Variants in INVS observed in about 807,000 individuals in gnomAD.
INVS encodes the protein inversin, also known as inversion of embryo turning homolog.
A neutral mutation model predicts 108.8 loss-of-function variants in INVS; 86 were observed. The observed-to-expected ratio is 0.79, with a 90% CI of 0.66 to 0.95. The LOEUF (loss-of-function observed/expected upper bound fraction) is 0.95. INVS is among the 40% of genes least tolerant of loss of function. The pLI is 0.00. For synonymous variants in INVS, 455 were observed against 473.5 expected, an observed-to-expected ratio of 0.96 and a Z score of 0.51; for missense variants, 1,169 against 1,297.4, an observed-to-expected ratio of 0.90 and a Z score of 1.52.
chr9:100,226,320 T>A, intron 4 of INVS, 85 bp downstream of exon 4: 1 of 1,104,096 alleles, frequency 9.1e-7, no homozygotes, highest in Non-Finnish European at 1.4e-6. Flanking sequence ...GAAGAAGGCC[T>A]GAATTACCAC....
chr9:100,203,585 C>T (rs1401997934), intron 3 of INVS, among the ~76,000 whole-genome samples: 2 of 141,526 alleles, frequency 1.4e-5, no homozygotes, highest in African/African-American at 5.4e-5. Flanking sequence ...TCACTGTAAA[C>T]TCTGCCTCCC....
chr9:100,177,055 G>A (rs867001679), intron 3 of INVS, among the ~76,000 whole-genome samples: 5 of 151,358 alleles, frequency 3.3e-5, no homozygotes, highest in Non-Finnish European at 5.9e-5. Flanking sequence ...AAGGGAAACC[G>A]TGAGGCACTG....
intron 5 of INVS, among the ~76,000 whole-genome samples, chr9:100,239,462 T>C (rs1831794988): frequency 6.6e-6 from 1 of 152,146 alleles, no homozygotes; most frequent in African/African-American, 2.4e-5. Context: ...ACATACATCT[T>C]TAGTTGAATG....
intron 3 of INVS, among the ~76,000 whole-genome samples, chr9:100,198,483 G>A (rs956915362): frequency 1.5e-4 from 22 of 150,958 alleles, no homozygotes; most frequent in Non-Finnish European, 2.9e-4. Flanking sequence ...TAGAGACGGG[G>A]TTTCTCCATG....
At chr9:100,115,153 T>C (rs1041822690) in intron 2 of INVS, among the ~76,000 whole-genome samples, 5 of 152,178 alleles carry the variant, frequency 3.3e-5, no homozygotes, top group African/African-American at 9.6e-5. Context: ...TTCTAATAGA[T>C]GTGCAGTGGT....
intron 3 of INVS, among the ~76,000 whole-genome samples, chr9:100,133,312 C>T (rs576346349): frequency 1.6e-4 from 24 of 151,934 alleles, no homozygotes; most frequent in Non-Finnish European, 2.6e-4. Flanking sequence ...TTTCAATTCC[C>T]ATGCATATGT....
At chr9:100,149,093 G>T (rs570180721) in intron 3 of INVS, among the ~76,000 whole-genome samples, 1 of 149,556 alleles carries the variant, frequency 6.7e-6, no homozygotes, top group South Asian at 2.1e-4. Flanking sequence ...CATACCTTTT[G>T]CTTTAGTTAG....
At position 100,266,040 on chromosome 9, in the gene INVS, A is replaced by G. The variant is rs138737224; in HGVS notation, c.1571+1112A>G. On this transcript the variant is annotated intron_variant, in intron 11 of 16. Coordinates refer to ENST00000262457, the MANE Select transcript of INVS (RefSeq NM_014425.5). ...GTTGCAGTGAGCCCGAGATCATGCC[A>G]CTGCACTCCAGCCTCTGCAACAGAG... 7.7e-3 allele frequency among the ~76,000 whole-genome samples: 1,167 copies of G among 152,304 alleles called. 10 individuals are homozygous for G. The highest frequency in any genetic ancestry group is 0.026 in the African/African-American group (1,100 of 41,568).
At chr9:100,249,408 T>TA (rs1564175474) in intron 8 of INVS, among the ~76,000 whole-genome samples, 1 of 152,188 alleles carries the variant, frequency 6.6e-6, no homozygotes, top group Non-Finnish European at 1.5e-5. Flanking sequence ...CAAATTTTTT[T>TA]AAAAAATAAA....
intron 3 of INVS, among the ~76,000 whole-genome samples, chr9:100,224,355 G>T (rs1357317061): frequency 6.6e-6 from 1 of 152,196 alleles, no homozygotes; most frequent in Non-Finnish European, 1.5e-5. Context: ...TCTGAATAGG[G>T]AGAGATAAAT....
chr9:100,251,396 C>T (rs951775868), intron 8 of INVS, among the ~76,000 whole-genome samples: 8 of 152,164 alleles, frequency 5.3e-5, no homozygotes, highest in Non-Finnish European at 7.3e-5. Flanking sequence ...CTAATTCAAA[C>T]CTATAGAGGG....
intron 3 of INVS, among the ~76,000 whole-genome samples, chr9:100,171,535 G>A (rs906157205): frequency 6.6e-5 from 10 of 152,126 alleles, no homozygotes; most frequent in African/African-American, 1.7e-4. Context: ...GGTAGAAAAC[G>A]TGGAGAGATG....
chr9:100,300,655 AAAAC>A lies in INVS; in HGVS notation c.3183_3186del (p.Asn1061LysfsTer44). 6.2e-7 allele frequency: 1 copy of A among 1,612,216 alleles called. No homozygotes were observed. Among genetic ancestry groups the A allele is most frequent in the Non-Finnish European group, 8.5e-7 (1 of 1,178,418 alleles). On this transcript the variant is annotated frameshift_variant, in exon 17 of 17. Coordinates refer to ENST00000262457, the MANE Select transcript of INVS (RefSeq NM_014425.5). LOFTEE classifies it high-confidence loss of function. ...AACCTGCAATCAGCTACTCAGCCAA[AAAAC>A]AAAACAAAACCTTGACTGCCTATGG... is the stretch of plus-strand genomic sequence containing the variant.
chr9:100,107,226 T>C (rs1249791827), intron 2 of INVS, among the ~76,000 whole-genome samples: 1 of 152,190 alleles, frequency 6.6e-6, no homozygotes, highest in Non-Finnish European at 1.5e-5. Context: ...TAATGCATCC[T>C]TCTCTCCCCA....
At chr9:100,107,235 C>A (rs906821622) in intron 2 of INVS, among the ~76,000 whole-genome samples, 6 of 152,162 alleles carry the variant, frequency 3.9e-5, no homozygotes, top group African/African-American at 7.2e-5. Context: ...CTTCTCTCCC[C>A]ACTAGAGGAA....
rs559756216 is a variant in INVS, at chr9:100,144,135, G to A, written c.273+17586G>A. Among the ~76,000 whole-genome samples, 11 of 152,196 alleles carry A rather than the reference G, an allele frequency of 7.2e-5. No individual in the cohort carries two copies. In the South Asian group the frequency reaches 2.3e-3, roughly 32 times the overall value. ...GGCTGCGGGCATTCCTTGTCCCGGT[G>A]GCCAGATGTCCGGCACTTGTAGCAA... On this transcript the variant is annotated intron_variant, in intron 3 of 16. Coordinates refer to ENST00000262457, the MANE Select transcript of INVS (RefSeq NM_014425.5).
At chr9:100,260,600 G>T (rs1333542566) in intron 10 of INVS, among the ~76,000 whole-genome samples, 2 of 152,062 alleles carry the variant, frequency 1.3e-5, no homozygotes, top group Non-Finnish European at 2.9e-5. Context: ...AAGGTTCCAA[G>T]AACTTTATGT....
At chr9:100,164,914 A>G (rs1289569010) in intron 3 of INVS, among the ~76,000 whole-genome samples, 1 of 72,300 alleles carries the variant, frequency 1.4e-5, no homozygotes, top group South Asian at 3.6e-4. Flanking sequence ...TTTTTTTTTT[A>G]CAACTTTTTG....
chr9:100,218,847 A>G lies in INVS; in HGVS notation c.274-7215A>G, dbSNP rs1831062277. ...CACTAGCTCACTGTTAATAATTGTGACATCCCTAATATCACTGAAGACAGG... is the reference window on the plus strand; with the variant it reads ...CACTAGCTCACTGTTAATAATTGTGGCATCCCTAATATCACTGAAGACAGG... On this transcript the variant is annotated intron_variant, in intron 3 of 16. Coordinates refer to ENST00000262457, the MANE Select transcript of INVS (RefSeq NM_014425.5). Among the ~76,000 whole-genome samples, 3 of 152,206 alleles carry G rather than the reference A, an allele frequency of 2.0e-5. No individual in the cohort carries two copies. In the South Asian group the frequency reaches 6.2e-4, roughly 31 times the overall value.
Sources: gnomAD v4.1 joint callset for allele counts (sites outside exome capture counted in the v4.1 genomes callset) on GRCh38, gnomAD v4.1.1 for gene constraint, MANE v1.5 for transcripts, NCBI Gene and HGNC (gene_info 2026-07-23, HGNC 2026-07-21) for gene names.